Variants in ARHGAP15 observed in about 807,000 individuals in gnomAD.
ARHGAP15 encodes Rho GTPase activating protein 15, also known as rho GTPase-activating protein 15.
A neutral mutation model predicts 63.7 loss-of-function variants in ARHGAP15; 51 were observed. The observed-to-expected ratio is 0.80, with a 90% CI of 0.64 to 1.01. The LOEUF (loss-of-function observed/expected upper bound fraction) is 1.01. Ranked by LOEUF, ARHGAP15 falls within the 50% of genes least tolerant of loss-of-function variation. The pLI is 0.00. For missense variants in ARHGAP15, 560 were observed against 564.6 expected (o/e 0.99, Z 0.08); for synonymous variants, 191 against 193.8 (o/e 0.99, Z 0.12).
At chr2:143,312,552 AG>A (rs1190216183) in intron 6 of ARHGAP15, among the ~76,000 whole-genome samples, 1 of 152,132 alleles carries the variant, frequency 6.6e-6, no homozygotes, top group Non-Finnish European at 1.5e-5. Flanking sequence ...TTAAACATTC[AG>A]GCCTTTAAAC....
intron 6 of ARHGAP15, among the ~76,000 whole-genome samples, chr2:143,380,003 A>G (rs1686994728): frequency 6.6e-6 from 1 of 152,086 alleles, no homozygotes; most frequent in Non-Finnish European, 1.5e-5. Flanking sequence ...GCAGTATAGT[A>G]GGTACTTTCC....
intron 6 of ARHGAP15, among the ~76,000 whole-genome samples, chr2:143,392,710 G>A (rs1171663543): frequency 6.6e-6 from 1 of 152,156 alleles, no homozygotes; most frequent in Non-Finnish European, 1.5e-5. Context: ...GAAAATTAAT[G>A]AATCTGCTGA....
chr2:143,718,806 A>C (rs1372770757), intron 13 of ARHGAP15, among the ~76,000 whole-genome samples: 4 of 152,236 alleles, frequency 2.6e-5, no homozygotes, highest in African/African-American at 9.6e-5. Flanking sequence ...ATACAGGTTG[A>C]GTACTTACTG....
chr2:143,198,735 A>T (rs1467964830), intron 2 of ARHGAP15, among the ~76,000 whole-genome samples: 2 of 152,266 alleles, frequency 1.3e-5, no homozygotes, highest in South Asian at 4.1e-4. Context: ...TGGTCAGATG[A>T]AAGAGGGCAT....
intron 6 of ARHGAP15, among the ~76,000 whole-genome samples, chr2:143,431,895 C>T (rs1423124130): frequency 6.6e-6 from 1 of 151,986 alleles, no homozygotes; most frequent in Non-Finnish European, 1.5e-5. Flanking sequence ...GTGGGGCTCT[C>T]AAACAGGGTA....
chr2:143,501,772 C>A (rs1693074166), intron 9 of ARHGAP15, among the ~76,000 whole-genome samples: 4 of 152,170 alleles, frequency 2.6e-5, no homozygotes, highest in Admixed American at 2.0e-4. Context: ...ACTTGAGATG[C>A]CACAGTGATA....
chr2:143,359,413 C>A (rs1685946390), intron 6 of ARHGAP15, among the ~76,000 whole-genome samples: 1 of 152,186 alleles, frequency 6.6e-6, no homozygotes, highest in South Asian at 2.1e-4. Context: ...ATAATTTCCC[C>A]CTTTTTCTAT....
At chr2:143,437,571 T>TA in intron 8 of ARHGAP15, among the ~76,000 whole-genome samples, 1 of 152,268 alleles carries the variant, frequency 6.6e-6, no homozygotes, top group African/African-American at 2.4e-5. Context: ...TTCTAAGAAT[T>TA]AAATTTAGAG....
chr2:143,627,315 T>C (rs537178205), intron 12 of ARHGAP15, among the ~76,000 whole-genome samples: 5 of 152,260 alleles, frequency 3.3e-5, no homozygotes, highest in East Asian at 3.9e-4. Flanking sequence ...CTGAGACATA[T>C]GATATTGGAC....
intron 1 of ARHGAP15, among the ~76,000 whole-genome samples, chr2:143,142,297 T>G (rs1266397298): frequency 2.0e-5 from 3 of 152,008 alleles, no homozygotes; most frequent in Non-Finnish European, 4.4e-5. Flanking sequence ...CCAAATAACT[T>G]CTGTATATGC....
chr2:143,299,253 TTATG>T (rs1312844614), intron 6 of ARHGAP15, among the ~76,000 whole-genome samples: 1 of 151,942 alleles, frequency 6.6e-6, no homozygotes, highest in Non-Finnish European at 1.5e-5. Flanking sequence ...GCAAAATGCT[TTATG>T]TAAGTCTAGA....
chr2:143,567,415 G>A (rs545947421), intron 11 of ARHGAP15, among the ~76,000 whole-genome samples: 1 of 152,296 alleles, frequency 6.6e-6, no homozygotes, highest in South Asian at 2.1e-4. Context: ...CCAGACCCAG[G>A]AAAACATACA....
At chr2:143,269,079 C>A (rs962061785) in intron 6 of ARHGAP15, among the ~76,000 whole-genome samples, 1 of 152,048 alleles carries the variant, frequency 6.6e-6, no homozygotes, top group African/African-American at 2.4e-5. Context: ...GTTTCCTATG[C>A]CAAATATTTC....
At chr2:143,604,595 T>G (rs1312403210) in intron 11 of ARHGAP15, among the ~76,000 whole-genome samples, 2 of 152,118 alleles carry the variant, frequency 1.3e-5, no homozygotes, top group Non-Finnish European at 2.9e-5. Flanking sequence ...GACTGAGAGG[T>G]TCCCTAATCA....
intron 8 of ARHGAP15, among the ~76,000 whole-genome samples, chr2:143,451,352 T>C (rs1690398923): frequency 6.6e-6 from 1 of 151,986 alleles, no homozygotes; most frequent in East Asian, 1.9e-4. Context: ...AAATTGATTC[T>C]AATTTGTGTT....
intron 12 of ARHGAP15, among the ~76,000 whole-genome samples, chr2:143,685,510 G>A (rs1683294110): frequency 6.6e-6 from 1 of 152,176 alleles, no homozygotes; most frequent in Non-Finnish European, 1.5e-5. Context: ...ACATGCTCCT[G>A]CTGTAAAAAT....
At chr2:143,282,453 G>C (rs1055912173) in intron 6 of ARHGAP15, among the ~76,000 whole-genome samples, 3 of 152,054 alleles carry the variant, frequency 2.0e-5, no homozygotes, top group African/African-American at 7.2e-5. Context: ...ATCTTACATG[G>C]GTGGTGGCAG....
At chr2:143,500,966 G>T (rs1386479844) in intron 9 of ARHGAP15, among the ~76,000 whole-genome samples, 3 of 152,062 alleles carry the variant, frequency 2.0e-5, no homozygotes, top group Admixed American at 2.0e-4. Flanking sequence ...CATATGTGAG[G>T]GTCATTAACT....
chr2:143,594,486 G>A (rs1211438196), intron 11 of ARHGAP15, among the ~76,000 whole-genome samples: 1 of 152,150 alleles, frequency 6.6e-6, no homozygotes, highest in Admixed American at 6.6e-5. Context: ...AGGGGTTATA[G>A]TATCCCAGTT....
Sources: gnomAD v4.1 joint callset for allele counts (sites outside exome capture counted in the v4.1 genomes callset) on GRCh38, gnomAD v4.1.1 for gene constraint, MANE v1.5 for transcripts, NCBI Gene and HGNC (gene_info 2026-07-23, HGNC 2026-07-21) for gene names.